KCNMA1: variants seen among roughly 807,000 people sequenced by gnomAD.
KCNMA1 encodes Calcium-activated potassium channel subunit alpha-1.
In KCNMA1, 29 loss-of-function variants were observed where a neutral mutation model predicts 140.0. The observed-to-expected ratio is 0.21, with a 90% CI of 0.15 to 0.28. The LOEUF (loss-of-function observed/expected upper bound fraction) is 0.28. Ranked by LOEUF, KCNMA1 falls within the 10% of genes least tolerant of loss-of-function variation. The probability of loss-of-function intolerance (pLI) is 1.00; values close to 1 mark genes in which losing one functional copy is unlikely to be tolerated. For missense variants in KCNMA1, 880 were observed against 1,602.2 expected, an observed-to-expected ratio of 0.55 and a Z score of 7.70; for synonymous variants, 612 against 611.9, an observed-to-expected ratio of 1.00 and a Z score of 0.00.
chr10:77,608,125 C>A (rs2085231318), intron 1 of KCNMA1, among the ~76,000 whole-genome samples: 1 of 152,132 alleles, frequency 6.6e-6, no homozygotes, highest in South Asian at 2.1e-4. Context: ...CATTCCTCTG[C>A]ACGTCCCCCT....
At chr10:77,228,118 C>G (rs1565352342) in intron 3 of KCNMA1, among the ~76,000 whole-genome samples, 1 of 151,994 alleles carries the variant, frequency 6.6e-6, no homozygotes, top group Non-Finnish European at 1.5e-5. Context: ...GCACGTGCCA[C>G]CACGCCTGGC....
intron 2 of KCNMA1, among the ~76,000 whole-genome samples, chr10:77,385,253 AT>A (rs1452073406): frequency 6.6e-6 from 1 of 152,072 alleles, no homozygotes; most frequent in African/African-American, 2.4e-5. Flanking sequence ...TTCAAATTTC[AT>A]TTTCACAGCA....
chr10:77,355,248 T>G (rs1304492782), intron 2 of KCNMA1: 1 of 158,738 alleles, frequency 6.3e-6, no homozygotes, highest in Non-Finnish European at 1.4e-5. Context: ...ATTTAACCTC[T>G]TTTTCTTCAC....
chr10:77,204,369 A>T (rs2043400358), intron 3 of KCNMA1, among the ~76,000 whole-genome samples: 1 of 152,146 alleles, frequency 6.6e-6, no homozygotes, highest in Admixed American at 6.5e-5. Flanking sequence ...AGGCTATGGG[A>T]TAGTTAAAAT....
At chr10:77,336,321 G>C (rs1489757498) in intron 2 of KCNMA1, among the ~76,000 whole-genome samples, 2 of 151,958 alleles carry the variant, frequency 1.3e-5, no homozygotes, top group Non-Finnish European at 2.9e-5. Flanking sequence ...TAGAAAGAAG[G>C]CTACAGAACA....
chr10:77,338,995 G>C (rs1816335662), intron 2 of KCNMA1, among the ~76,000 whole-genome samples: 1 of 152,000 alleles, frequency 6.6e-6, no homozygotes, highest in Admixed American at 6.6e-5. Context: ...TCTCAATGGG[G>C]GCAAAGTCTC....
intron 14 of KCNMA1, among the ~76,000 whole-genome samples, chr10:77,068,489 C>T (rs1365286535): frequency 2.0e-5 from 3 of 152,084 alleles, no homozygotes; most frequent in Non-Finnish European, 4.4e-5. Context: ...CTTCTGATTT[C>T]TCTAGTGCAT....
chr10:77,505,442 G>A (rs2045476007), intron 1 of KCNMA1, among the ~76,000 whole-genome samples: 2 of 152,224 alleles, frequency 1.3e-5, no homozygotes, highest in African/African-American at 2.4e-5. Flanking sequence ...AACCCTAACA[G>A]AAGATACAAA....
At chr10:77,133,902 T>C (rs1410083615) in intron 5 of KCNMA1, among the ~76,000 whole-genome samples, 1 of 152,134 alleles carries the variant, frequency 6.6e-6, no homozygotes, top group African/African-American at 2.4e-5. Flanking sequence ...AAGTCACATT[T>C]ACCACAAAGC....
At chr10:77,330,167 C>A (rs753652555) in intron 2 of KCNMA1, among the ~76,000 whole-genome samples, 7 of 152,118 alleles carry the variant, frequency 4.6e-5, no homozygotes, top group Non-Finnish European at 5.9e-5. Flanking sequence ...CTCACCCACC[C>A]ACCCACTGAG....
At chr10:77,116,963 C>A (rs1021482894) in intron 6 of KCNMA1, among the ~76,000 whole-genome samples, 1 of 152,206 alleles carries the variant, frequency 6.6e-6, no homozygotes, top group Non-Finnish European at 1.5e-5. Flanking sequence ...TGGCCTCTCC[C>A]TGCACATCTC....
chr10:77,415,817 C>T (rs936966166), intron 1 of KCNMA1, among the ~76,000 whole-genome samples: 1 of 152,192 alleles, frequency 6.6e-6, no homozygotes, highest in Admixed American at 6.6e-5. Context: ...AATGAAAAGC[C>T]TCAGTACAGC....
At chr10:77,051,581 A>G (rs1483549941) in intron 14 of KCNMA1, among the ~76,000 whole-genome samples, 1 of 152,206 alleles carries the variant, frequency 6.6e-6, no homozygotes, top group Non-Finnish European at 1.5e-5. Context: ...CATTTGGTTC[A>G]GAGATTGAAA....
rs71028276 is a variant in KCNMA1, at chr10:77,431,681, T to TAAA, written c.379-27661_379-27659dup. 1.9e-3 allele frequency among the ~76,000 whole-genome samples: 142 copies of TAAA among 75,446 alleles called. 3 individuals are homozygous for TAAA. Among genetic ancestry groups the TAAA allele is most frequent in the Middle Eastern group, 9.8e-3 (1 of 102 alleles). The allele number at this position is 75,446 out of a possible 152,430, so 49.5% of individuals were successfully genotyped here. On this transcript the variant is annotated intron_variant, in intron 1 of 27. Transcript: ENST00000286628. ...CATGCCCCTGAAGTCTGGTCTGTTG[T>TAAA]AAAAAAAAAAAAAAAAAAAAAAAAA... is the stretch of plus-strand genomic sequence containing the variant.
At chr10:77,222,726 C>T (rs1599148142) in intron 3 of KCNMA1, among the ~76,000 whole-genome samples, 1 of 152,198 alleles carries the variant, frequency 6.6e-6, no homozygotes, top group Non-Finnish European at 1.5e-5. Context: ...GCCAAGAGGA[C>T]CCCACCTTTG....
intron 6 of KCNMA1, among the ~76,000 whole-genome samples, chr10:77,118,708 T>C (rs112265055): frequency 0.028 from 4,227 of 152,236 alleles, 196 homozygotes; most frequent in African/African-American, 0.097. Context: ...TTGACTGCCC[T>C]GCAACTCAGG....
intron 9 of KCNMA1, among the ~76,000 whole-genome samples, chr10:77,099,469 G>A (rs954187835): frequency 2.0e-5 from 3 of 152,166 alleles, no homozygotes; most frequent in Admixed American, 6.5e-5. Flanking sequence ...ACTGGAAGGA[G>A]CTACAGGTTA....
At chr10:77,580,441 A>G (rs1443888761) in intron 1 of KCNMA1, among the ~76,000 whole-genome samples, 1 of 152,094 alleles carries the variant, frequency 6.6e-6, no homozygotes, top group Non-Finnish European at 1.5e-5. Flanking sequence ...ATCTCTAGGG[A>G]TGAAATCCTG....
At chr10:77,287,389 C>A in intron 2 of KCNMA1, among the ~76,000 whole-genome samples, 1 of 152,202 alleles carries the variant, frequency 6.6e-6, no homozygotes, top group East Asian at 1.9e-4. Flanking sequence ...ACAAAGAGGT[C>A]ATTGCAAATT....
Sources: allele counts gnomAD v4.1 joint callset (sites outside exome capture counted in the v4.1 genomes callset), GRCh38; gene constraint gnomAD v4.1.1; transcripts MANE v1.5; gene names NCBI Gene and HGNC (gene_info 2026-07-23, HGNC 2026-07-21).